TCF12: variants seen among roughly 807,000 people sequenced by gnomAD.
TCF12 encodes DNA-binding protein HTF4.
TCF12 carries 45 observed loss-of-function variants against 86.0 expected under a neutral mutation model. The observed-to-expected ratio is 0.52, with a 90% CI of 0.41 to 0.67. The LOEUF (loss-of-function observed/expected upper bound fraction) is 0.67. Ranked by LOEUF, TCF12 falls within the 30% of genes least tolerant of loss-of-function variation. The pLI is 0.00. For synonymous variants in TCF12, 330 were observed against 299.6 expected, an observed-to-expected ratio of 1.10 and a Z score of -1.05; for missense variants, 881 against 859.9, an observed-to-expected ratio of 1.02 and a Z score of -0.31.
At chr15:57,067,563 A>G (rs2069004582) in intron 4 of TCF12, among the ~76,000 whole-genome samples, 1 of 148,208 alleles carries the variant, frequency 6.7e-6, no homozygotes, top group Admixed American at 6.7e-5. Context: ...AAAAAAAAAA[A>G]GAGTGGTTAT....
At chr15:57,138,332 C>T (rs976550208) in intron 5 of TCF12, among the ~76,000 whole-genome samples, 4 of 152,166 alleles carry the variant, frequency 2.6e-5, no homozygotes, top group Admixed American at 2.0e-4. Context: ...GTGTTTAAAT[C>T]GGATCTTGGA....
chr15:57,237,195 G>T (rs1176562675), intron 12 of TCF12, among the ~76,000 whole-genome samples: 1 of 151,700 alleles, frequency 6.6e-6, no homozygotes, highest in African/African-American at 2.4e-5. Context: ...GTATTAATCT[G>T]GATAAATGGT....
chr15:57,207,839 A>G (rs887644996), intron 8 of TCF12, among the ~76,000 whole-genome samples: 3 of 152,164 alleles, frequency 2.0e-5, no homozygotes, highest in African/African-American at 4.8e-5. Flanking sequence ...TTCAAAAATC[A>G]GTAACTTAAA....
intron 5 of TCF12, chr15:57,109,141 A>G (rs2050323949): frequency 6.6e-6 from 1 of 152,162 alleles, no homozygotes; most frequent in Non-Finnish European, 1.5e-5. Context: ...TCAGTGTGTC[A>G]GTTAATCTGG....
At chr15:56,983,049 A>G (rs17238999) in intron 3 of TCF12, among the ~76,000 whole-genome samples, 2,783 of 152,334 alleles carry the variant, frequency 0.018, 31 homozygotes, top group Middle Eastern at 0.031. Context: ...TGAGAGAAAC[A>G]AAATATTCTT....
intron 3 of TCF12, among the ~76,000 whole-genome samples, chr15:57,063,285 TAAG>T (rs1468266293): frequency 2.0e-5 from 3 of 152,224 alleles, no homozygotes; most frequent in African/African-American, 7.2e-5. Context: ...TGTCATCAGT[TAAG>T]AATATCTGAT....
chr15:57,198,658 C>G (rs2057387087), intron 8 of TCF12, among the ~76,000 whole-genome samples: 1 of 151,976 alleles, frequency 6.6e-6, no homozygotes, highest in Non-Finnish European at 1.5e-5. Flanking sequence ...TCTCCCTTTG[C>G]TTAGAAGAAA....
intron 3 of TCF12, among the ~76,000 whole-genome samples, chr15:56,991,156 G>A (rs1403238312): frequency 6.6e-6 from 1 of 152,104 alleles, no homozygotes; most frequent in Admixed American, 6.5e-5. Context: ...CTCGCCTTAC[G>A]TAAATGTGTC....
intron 3 of TCF12, among the ~76,000 whole-genome samples, chr15:56,976,241 T>C (rs1438916289): frequency 3.6e-5 from 5 of 139,516 alleles, no homozygotes; most frequent in Non-Finnish European, 3.1e-5. Flanking sequence ...TTTTTTTTTT[T>C]TTTTTTTGAG....
chr15:57,044,917 C>G (rs1449446555), intron 3 of TCF12, among the ~76,000 whole-genome samples: 3 of 152,050 alleles, frequency 2.0e-5, no homozygotes, highest in African/African-American at 7.2e-5. Flanking sequence ...GATGAACCTA[C>G]CATACAAAAA....
At chr15:56,984,589 A>G (rs2063090283) in intron 3 of TCF12, among the ~76,000 whole-genome samples, 1 of 152,216 alleles carries the variant, frequency 6.6e-6, no homozygotes, top group African/African-American at 2.4e-5. Context: ...ATAGCACAGT[A>G]TAGTTTAAAC....
chr15:57,175,902 G>A (rs1441198113), intron 6 of TCF12, among the ~76,000 whole-genome samples: 1 of 152,182 alleles, frequency 6.6e-6, no homozygotes, highest in Non-Finnish European at 1.5e-5. Context: ...GTTGTCATGT[G>A]TTGAGCTGTT....
intron 3 of TCF12, among the ~76,000 whole-genome samples, chr15:56,935,599 A>C (rs2060435146): frequency 6.6e-6 from 1 of 152,130 alleles, no homozygotes; most frequent in Non-Finnish European, 1.5e-5. Flanking sequence ...CACTGAACAC[A>C]ATATGTAGTC....
chr15:57,123,982 A>AAAAAAAT (rs1555511574), intron 5 of TCF12, among the ~76,000 whole-genome samples: 2,344 of 110,840 alleles, frequency 0.021, 100 homozygotes, highest in African/African-American at 0.064. Flanking sequence ...AAAAAAAAAA[A>AAAAAAAT]TTTTTTTTTT....
intron 3 of TCF12, among the ~76,000 whole-genome samples, chr15:56,986,324 C>G (rs1200775961): frequency 6.6e-6 from 1 of 151,940 alleles, no homozygotes; most frequent in Non-Finnish European, 1.5e-5. Flanking sequence ...GGTGACAAAA[C>G]CAGAGAAAAA....
intron 3 of TCF12, among the ~76,000 whole-genome samples, chr15:56,972,395 G>A (rs1385279997): frequency 6.6e-6 from 1 of 152,160 alleles, no homozygotes; most frequent in African/African-American, 2.4e-5. Context: ...TCAGTACATA[G>A]GAAAGTGATT....
chr15:57,202,882 T>C (rs190855680), intron 8 of TCF12, among the ~76,000 whole-genome samples: 39 of 152,316 alleles, frequency 2.6e-4, no homozygotes, highest in African/African-American at 8.9e-4. Context: ...TGGTGTATCC[T>C]AGATACTCAG....
At chr15:57,255,954 T>G (rs1232802246) in intron 16 of TCF12, among the ~76,000 whole-genome samples, 1 of 152,188 alleles carries the variant, frequency 6.6e-6, no homozygotes, top group Non-Finnish European at 1.5e-5. Context: ...CTTATCACCT[T>G]CTCAGCGGGT....
chr15:57,138,135 G>A (rs1464089013), intron 5 of TCF12, among the ~76,000 whole-genome samples: 1 of 152,116 alleles, frequency 6.6e-6, no homozygotes, highest in African/African-American at 2.4e-5. Context: ...ACAAAGACAG[G>A]CAAAAGAGAA....
Sources: gnomAD v4.1 joint callset for allele counts (sites outside exome capture counted in the v4.1 genomes callset) on GRCh38, gnomAD v4.1.1 for gene constraint, MANE v1.5 for transcripts, NCBI Gene and HGNC (gene_info 2026-07-23, HGNC 2026-07-21) for gene names.